The following LUZP2 variants were observed in gnomAD, a reference collection of about 807,000 sequenced individuals.
LUZP2 encodes the protein leucine zipper protein 2.
LUZP2 carries 52 observed loss-of-function variants against 51.6 expected under a neutral mutation model. The observed-to-expected ratio is 1.01, with a 90% confidence interval of 0.81 to 1.27. The LOEUF is 1.27. Among genes scored for constraint, LUZP2 ranks in the 50% most tolerant of loss-of-function variants. The pLI, the probability that LUZP2 is intolerant of heterozygous loss-of-function variation, is 0.00. For missense variants in LUZP2, 436 were observed against 395.4 expected, an observed-to-expected ratio of 1.10 and a Z score of -0.87; for synonymous variants, 154 against 137.3, an observed-to-expected ratio of 1.12 and a Z score of -0.85.
At chr11:25,067,527 T>G (rs1277761296) in intron 10 of LUZP2, among the ~76,000 whole-genome samples, 1 of 151,742 alleles carries the variant, frequency 6.6e-6, no homozygotes, top group African/African-American at 2.4e-5. Flanking sequence ...TACATTTAAG[T>G]TTTTCATCCA....
At chr11:24,703,011 G>A (rs958687493) in intron 1 of LUZP2, among the ~76,000 whole-genome samples, 1 of 152,082 alleles carries the variant, frequency 6.6e-6, no homozygotes, top group African/African-American at 2.4e-5. Context: ...ATCTGTGTTG[G>A]GCAAGGAGGC....
At chr11:24,984,741 G>A (rs926310472) in intron 9 of LUZP2, among the ~76,000 whole-genome samples, 1 of 150,914 alleles carries the variant, frequency 6.6e-6, no homozygotes, top group African/African-American at 2.4e-5. Flanking sequence ...AGTCTTCAAC[G>A]AAGTCCCTCA....
At chr11:24,861,082 A>G (rs981631339) in intron 5 of LUZP2, among the ~76,000 whole-genome samples, 7 of 152,168 alleles carry the variant, frequency 4.6e-5, no homozygotes, top group African/African-American at 1.7e-4. Flanking sequence ...AAGAACTGCT[A>G]ACTAGAATAA....
intron 9 of LUZP2, among the ~76,000 whole-genome samples, chr11:25,000,219 T>G (rs989959326): frequency 6.6e-6 from 1 of 152,136 alleles, no homozygotes; most frequent in Non-Finnish European, 1.5e-5. Context: ...TTTACAATAC[T>G]TTAGCTAGAC....
intron 5 of LUZP2, among the ~76,000 whole-genome samples, chr11:24,802,714 A>T (rs1849729974): frequency 6.6e-6 from 1 of 151,584 alleles, no homozygotes; most frequent in African/African-American, 2.4e-5. Flanking sequence ...TATGATTTTG[A>T]CTGTTTTATG....
At chr11:24,501,030 C>A (rs769114311) in intron 1 of LUZP2, among the ~76,000 whole-genome samples, 2 of 152,156 alleles carry the variant, frequency 1.3e-5, no homozygotes, top group African/African-American at 4.8e-5. Context: ...ATGCAAGAAG[C>A]AGTCTCACCT....
chr11:25,050,121 C>T lies in LUZP2; in HGVS notation c.849C>T (p.Asp283=). 6.3e-7 allele frequency: 1 copy of T among 1,591,910 alleles called. No individual in the cohort carries two copies. The highest frequency in any genetic ancestry group is 8.6e-7 in the Non-Finnish European group (1 of 1,167,228). ...GAAATCCAAGTACCACTGCCTGTGA[C>T]TCTCAAGATGTAAGAAAAACTTAAG... ...KEGNPSTTAC[D]SQDEGRPCSM... Residue 283 remains aspartate, a synonymous_variant, in exon 10 of 12, where the codon GAC becomes GAT. Transcript: ENST00000336930.
intron 1 of LUZP2, among the ~76,000 whole-genome samples, chr11:24,655,386 CT>C (rs561070299): frequency 1.5e-4 from 22 of 147,728 alleles, no homozygotes; most frequent in South Asian, 6.4e-4. Flanking sequence ...AAATAGAGGT[CT>C]TTTTTTTTTA....
chr11:24,984,868 GCTGAGTGTTTACTA>G (rs1356300647), intron 9 of LUZP2, among the ~76,000 whole-genome samples: 4 of 151,298 alleles, frequency 2.6e-5, no homozygotes, highest in Non-Finnish European at 4.4e-5. Context: ...TGCTTTGACA[GCTGAGTGTTTACTA>G]CTCTTGGCCC....
intron 4 of LUZP2, among the ~76,000 whole-genome samples, chr11:24,747,076 C>T (rs1859408573): frequency 6.6e-6 from 1 of 152,070 alleles, no homozygotes; most frequent in African/African-American, 2.4e-5. Flanking sequence ...CTTCTTGGAT[C>T]CATTGCTGGT....
At chr11:24,803,009 T>A (rs1849737403) in intron 5 of LUZP2, among the ~76,000 whole-genome samples, 2 of 152,042 alleles carry the variant, frequency 1.3e-5, no homozygotes, top group South Asian at 2.1e-4. Flanking sequence ...AATTACCCAG[T>A]CTGTGGTATT....
intron 1 of LUZP2, among the ~76,000 whole-genome samples, chr11:24,693,054 C>G (rs1399912929): frequency 6.6e-6 from 1 of 151,722 alleles, no homozygotes; most frequent in East Asian, 1.9e-4. Context: ...ATTTTTGCTA[C>G]CATACCAGGT....
intron 9 of LUZP2, among the ~76,000 whole-genome samples, chr11:25,014,965 A>G (rs1857105909): frequency 2.0e-5 from 3 of 152,192 alleles, no homozygotes; most frequent in South Asian, 2.1e-4. Context: ...AGCTTTCTAC[A>G]TATGGCTAGC....
intron 1 of LUZP2, among the ~76,000 whole-genome samples, chr11:24,719,213 A>G (rs1590395225): frequency 6.6e-6 from 1 of 152,240 alleles, no homozygotes; most frequent in East Asian, 1.9e-4. Context: ...ATATAATGCT[A>G]TTATATAAAC....
At chr11:24,669,038 C>T (rs1483822680) in intron 1 of LUZP2, among the ~76,000 whole-genome samples, 1 of 152,104 alleles carries the variant, frequency 6.6e-6, no homozygotes, top group Non-Finnish European at 1.5e-5. Flanking sequence ...GAAATAAAAT[C>T]TTACTAACCT....
At chr11:25,072,554 G>A (rs530705480) in intron 10 of LUZP2, among the ~76,000 whole-genome samples, 1 of 152,196 alleles carries the variant, frequency 6.6e-6, no homozygotes. Context: ...AAAAGTTACT[G>A]CAATAGTTTT....
At chr11:24,866,942 GAGGT>G (rs1188447865) in intron 5 of LUZP2, among the ~76,000 whole-genome samples, 12 of 152,254 alleles carry the variant, frequency 7.9e-5, no homozygotes, top group African/African-American at 2.9e-4. Flanking sequence ...AGGCCATGTG[GAGGT>G]AAGCAGCGGC....
intron 3 of LUZP2, among the ~76,000 whole-genome samples, chr11:24,734,530 C>T (rs751778686): frequency 3.0e-4 from 46 of 151,836 alleles, no homozygotes; most frequent in South Asian, 1.0e-3. Flanking sequence ...AAATTAAAAA[C>T]TTGTTTAAAA....
chr11:24,757,826 CA>C (rs1333846008), intron 4 of LUZP2, among the ~76,000 whole-genome samples: 1 of 151,808 alleles, frequency 6.6e-6, no homozygotes, highest in African/African-American at 2.4e-5. Context: ...AAATTGTAAA[CA>C]AAAGTCCTAG....
Sources: gnomAD v4.1 joint callset for allele counts (sites outside exome capture counted in the v4.1 genomes callset) on GRCh38, gnomAD v4.1.1 for gene constraint, MANE v1.5 for transcripts, NCBI Gene and HGNC (gene_info 2026-07-23, HGNC 2026-07-21) for gene names.